Variants in ARHGAP44 observed in about 807,000 individuals in gnomAD.
ARHGAP44 encodes the protein Rho GTPase activating protein 44.
A neutral mutation model predicts 106.8 loss-of-function variants in ARHGAP44; 43 were observed. That is an observed-to-expected ratio of 0.40 (90% CI 0.32 to 0.52). ARHGAP44 has a LOEUF of 0.52. ARHGAP44 is among the 20% of genes least tolerant of loss of function. The pLI, the probability that ARHGAP44 is intolerant of heterozygous loss-of-function variation, is 0.48. For missense variants in ARHGAP44, 866 were observed against 1,050.5 expected, an observed-to-expected ratio of 0.82 and a Z score of 2.43; for synonymous variants, 439 against 410.3, an observed-to-expected ratio of 1.07 and a Z score of -0.85.
At chr17:12,957,324 G>A (rs977227572) in intron 15 of ARHGAP44, among the ~76,000 whole-genome samples, 2 of 152,084 alleles carry the variant, frequency 1.3e-5, no homozygotes, top group African/African-American at 4.8e-5. Flanking sequence ...CCATGTCCGT[G>A]GATTTTACTG....
chr17:12,969,428 A>G (rs2143289606), intron 16 of ARHGAP44, among the ~76,000 whole-genome samples: 1 of 152,304 alleles, frequency 6.6e-6, no homozygotes, highest in South Asian at 2.1e-4. Context: ...GGCTCCTTAC[A>G]ACAAATCGAA....
chr17:12,934,478 A>G (rs1355769343), intron 7 of ARHGAP44, among the ~76,000 whole-genome samples: 1 of 152,142 alleles, frequency 6.6e-6, no homozygotes, highest in African/African-American at 2.4e-5. Flanking sequence ...AGTACTCTCT[A>G]ATTTGGAAGG....
intron 1 of ARHGAP44, among the ~76,000 whole-genome samples, chr17:12,863,396 A>C (rs2150870123): frequency 6.6e-6 from 1 of 152,300 alleles, no homozygotes; most frequent in South Asian, 2.1e-4. Flanking sequence ...ATGTGTAAAA[A>C]ATCTAATGTC....
At chr17:12,857,000 C>T (rs2035930140) in intron 1 of ARHGAP44, among the ~76,000 whole-genome samples, 1 of 151,994 alleles carries the variant, frequency 6.6e-6, no homozygotes, top group Admixed American at 6.6e-5. Flanking sequence ...TTTTTTCAAG[C>T]AAAATTTCTC....
intron 4 of ARHGAP44, among the ~76,000 whole-genome samples, chr17:12,913,564 A>AT (rs1007334443): frequency 1.6e-4 from 25 of 152,210 alleles, no homozygotes; most frequent in Admixed American, 3.9e-4. Flanking sequence ...TAATATTTAA[A>AT]TTTTTTTAAT....
At chr17:12,887,977 C>G (rs1419507703) in intron 1 of ARHGAP44, among the ~76,000 whole-genome samples, 1 of 151,592 alleles carries the variant, frequency 6.6e-6, no homozygotes, top group Non-Finnish European at 1.5e-5. Context: ...ATGATATTCC[C>G]TGCTTCATTC....
intron 1 of ARHGAP44, 142 bp downstream of exon 1, chr17:12,790,033 C>T (rs1480326257): frequency 4.0e-6 from 3 of 748,086 alleles, no homozygotes; most frequent in East Asian, 3.4e-5. Context: ...AGGCGCCGCT[C>T]GCAGGCGCGA....
intron 6 of ARHGAP44, among the ~76,000 whole-genome samples, chr17:12,926,321 C>T (rs1346497655): frequency 6.6e-6 from 1 of 150,520 alleles, no homozygotes; most frequent in Admixed American, 6.7e-5. Context: ...GCTGAGATTG[C>T]ACCACTGCAC....
intron 3 of ARHGAP44, among the ~76,000 whole-genome samples, chr17:12,907,305 T>C (rs16946819): frequency 0.021 from 3,142 of 152,276 alleles, 115 homozygotes; most frequent in African/African-American, 0.072. Context: ...GGGGAACGGA[T>C]CATGCTAAAC....
intron 1 of ARHGAP44, among the ~76,000 whole-genome samples, chr17:12,834,567 A>G (rs776377477): frequency 2.5e-4 from 38 of 152,190 alleles, no homozygotes; most frequent in Non-Finnish European, 4.7e-4. Flanking sequence ...TATTCATTCT[A>G]CTAGTAAGTG....
chr17:12,963,968 AT>A (rs570086813), intron 16 of ARHGAP44, among the ~76,000 whole-genome samples: 176 of 152,118 alleles, frequency 1.2e-3, no homozygotes, highest in Non-Finnish European at 2.1e-3. Flanking sequence ...GCAATGCTAC[AT>A]TTTTTTTAAT....
chr17:12,872,130 G>A (rs896751036), intron 1 of ARHGAP44, among the ~76,000 whole-genome samples: 3 of 152,192 alleles, frequency 2.0e-5, no homozygotes, highest in East Asian at 3.8e-4. Context: ...TCAATTGTCT[G>A]TGACTTTTCT....
chr17:12,981,721 C>CT (rs1041991399), intron 19 of ARHGAP44, among the ~76,000 whole-genome samples: 8 of 151,182 alleles, frequency 5.3e-5, no homozygotes, highest in African/African-American at 1.9e-4. Context: ...TTTTAGAGTC[C>CT]TTTAACTGGC....
At chr17:12,839,680 A>T (rs529626031) in intron 1 of ARHGAP44, among the ~76,000 whole-genome samples, 1 of 152,278 alleles carries the variant, frequency 6.6e-6, no homozygotes, top group East Asian at 1.9e-4. Context: ...CTAGGCTTCG[A>T]GTGCTTTTGT....
chr17:12,961,727 C>G (rs2039266795), intron 16 of ARHGAP44, among the ~76,000 whole-genome samples: 1 of 151,924 alleles, frequency 6.6e-6, no homozygotes, highest in African/African-American at 2.4e-5. Flanking sequence ...GAGCAAAACT[C>G]TGTCTCCAAA....
chr17:12,973,602 A>T, intron 17 of ARHGAP44: 1 of 530,148 alleles, frequency 1.9e-6, no homozygotes, highest in Middle Eastern at 4.9e-4. Context: ...CCAAGTTACA[A>T]AAAGAAGGAT....
chr17:12,852,646 G>A (rs375284625), intron 1 of ARHGAP44, among the ~76,000 whole-genome samples: 34 of 150,954 alleles, frequency 2.3e-4, no homozygotes, highest in African/African-American at 7.8e-4. Flanking sequence ...GGTTCACGCC[G>A]TTCTCCTGCC....
At chr17:12,877,199 C>G (rs1019385231) in intron 1 of ARHGAP44, among the ~76,000 whole-genome samples, 1 of 152,208 alleles carries the variant, frequency 6.6e-6, no homozygotes, top group Admixed American at 6.5e-5. Context: ...ACCCAGCAAA[C>G]TGCAACATTT....
chr17:12,837,068 A>G (rs1418314344), intron 1 of ARHGAP44, among the ~76,000 whole-genome samples: 1 of 152,232 alleles, frequency 6.6e-6, no homozygotes, highest in East Asian at 1.9e-4. Context: ...AAATGATACA[A>G]AGTGTGCTCT....
Sources: gnomAD v4.1 joint callset for allele counts (sites outside exome capture counted in the v4.1 genomes callset) on GRCh38, gnomAD v4.1.1 for gene constraint, MANE v1.5 for transcripts, NCBI Gene and HGNC (gene_info 2026-07-23, HGNC 2026-07-21) for gene names.